The following ZCCHC7 variants were observed in gnomAD, a reference collection of about 807,000 sequenced individuals.
ZCCHC7 encodes the protein zinc finger CCHC domain-containing protein 7.
Under a neutral mutation model 52.0 loss-of-function variants are expected in ZCCHC7, and 35 were observed. That is an observed-to-expected ratio of 0.67 (90% CI 0.51 to 0.89). The LOEUF (loss-of-function observed/expected upper bound fraction) is 0.89. Among genes scored for constraint, ZCCHC7 ranks in the 40% least tolerant of loss-of-function variants. The pLI, the probability that ZCCHC7 is intolerant of heterozygous loss-of-function variation, is 0.00. For synonymous variants in ZCCHC7, 217 were observed against 221.5 expected (o/e 0.98, Z 0.18); for missense variants, 574 against 649.1 (o/e 0.88, Z 1.26).
intron 2 of ZCCHC7, among the ~76,000 whole-genome samples, chr9:37,233,969 G>T (rs546943998): frequency 2.0e-5 from 3 of 152,090 alleles, no homozygotes; most frequent in Admixed American, 2.0e-4. Flanking sequence ...TTCTCCTGCC[G>T]CAGCCTCCTG....
chr9:37,120,552 T>A, upstream of ZCCHC7: 1 of 399,276 alleles, frequency 2.5e-6, no homozygotes, highest in Non-Finnish European at 4.4e-6. Flanking sequence ...CTTACCTCAT[T>A]TGTCCTCGCC....
At chr9:37,260,220 C>G (rs1826799436) in intron 2 of ZCCHC7, among the ~76,000 whole-genome samples, 1 of 152,200 alleles carries the variant, frequency 6.6e-6, no homozygotes, top group South Asian at 2.1e-4. Context: ...CTTTGGCTTT[C>G]CACTGTATAT....
intron 1 of ZCCHC7, 81 bp from the exon 2 acceptor site, chr9:37,126,231 A>G (rs1307679168): frequency 7.6e-7 from 1 of 1,307,654 alleles, no homozygotes; most frequent in African/African-American, 1.5e-5. Context: ...AGCAGTTGTC[A>G]CTGACAGGTG....
In ZCCHC7 at chr9:37,304,281, G is replaced by A. The variant is rs746202450; in HGVS notation, c.748G>A (p.Gly250Ser). The A allele has an allele frequency of 6.2e-7, 1 of 1,613,700 alleles. No individual in the cohort carries two copies. Among genetic ancestry groups the A allele is most frequent in the Non-Finnish European group, 8.5e-7 (1 of 1,179,838 alleles). ...NIICRNCDKR[G>S]HLSKNCPLPR... is the part of the protein sequence containing the mutation. ...TATCTGTAGAAATTGTGACAAACGT[G>A]GTCATTTATCAAAAAACTGCCCCTT... The change falls in exon 4 of 9, where the codon GGT becomes AGT. Residue 250 changes from glycine to serine, a missense_variant. By Grantham distance (56) the Gly-to-Ser change is moderately conservative. Coordinates refer to ENST00000336755, the MANE Select transcript of ZCCHC7 (RefSeq NM_032226.3).
At chr9:37,295,465 G>GTT (rs990908020) in intron 2 of ZCCHC7, among the ~76,000 whole-genome samples, 3 of 152,202 alleles carry the variant, frequency 2.0e-5, no homozygotes, top group Non-Finnish European at 4.4e-5. Context: ...AATTACTTAA[G>GTT]TAGCAGTGGA....
chr9:37,254,273 A>G (rs992420873), intron 2 of ZCCHC7, among the ~76,000 whole-genome samples: 2 of 152,090 alleles, frequency 1.3e-5, no homozygotes, highest in African/African-American at 4.8e-5. Context: ...CTTGCTGAAT[A>G]AATGTAGTTT....
chr9:37,331,875 G>GC (rs1830462746), intron 6 of ZCCHC7, among the ~76,000 whole-genome samples: 1 of 151,416 alleles, frequency 6.6e-6, no homozygotes, highest in Non-Finnish European at 1.5e-5. Context: ...GTGCGCTTTG[G>GC]TGTGTTTAAG....
chr9:37,215,598 C>G (rs1329139153), intron 2 of ZCCHC7, among the ~76,000 whole-genome samples: 1 of 152,148 alleles, frequency 6.6e-6, no homozygotes, highest in Non-Finnish European at 1.5e-5. Context: ...CTGCTTTATT[C>G]AAAAAGGAGC....
Position 37,199,400 on chromosome 9 carries a change from C to T in ZCCHC7, c.610+72458C>T, listed in dbSNP as rs112857809. On this transcript the variant is annotated intron_variant, in intron 2 of 8. Coordinates refer to ENST00000336755, the MANE Select transcript of ZCCHC7 (RefSeq NM_032226.3). Reference sequence around the variant, plus strand: ...AGGCTGGAGTGCAATGGTGCGATCTCAGCTCGCTGCAACCTCCACCTCCTG... The same window carrying T: ...AGGCTGGAGTGCAATGGTGCGATCTTAGCTCGCTGCAACCTCCACCTCCTG... Among the ~76,000 whole-genome samples the T allele has an allele frequency of 6.1e-5, 9 of 146,996 alleles. 1 individual carries two copies. Among genetic ancestry groups the T allele is most frequent in the African/African-American group, 2.0e-4 (8 of 39,938 alleles).
intron 2 of ZCCHC7, among the ~76,000 whole-genome samples, chr9:37,168,613 C>G (rs1821556742): frequency 6.6e-6 from 1 of 152,030 alleles, no homozygotes. Context: ...AACAAAGTAC[C>G]CAGGCCAGGC....
chr9:37,304,526 G>A (rs547728915), intron 4 of ZCCHC7, among the ~76,000 whole-genome samples: 9 of 152,106 alleles, frequency 5.9e-5, no homozygotes, highest in Non-Finnish European at 8.8e-5. Flanking sequence ...GCGTGATGGC[G>A]GGCGCCTGTA....
At chr9:37,241,508 A>G (rs534684900) in intron 2 of ZCCHC7, among the ~76,000 whole-genome samples, 10 of 151,940 alleles carry the variant, frequency 6.6e-5, no homozygotes, top group Admixed American at 1.3e-4. Flanking sequence ...AAAATCTCCA[A>G]TTTCCTATTC....
At chr9:37,216,564 C>T (rs536298687) in intron 2 of ZCCHC7, among the ~76,000 whole-genome samples, 58 of 152,264 alleles carry the variant, frequency 3.8e-4, no homozygotes, top group African/African-American at 1.3e-3. Flanking sequence ...TTCCCAGCTA[C>T]TTGGGAGGCT....
chr9:37,152,243 T>G (rs894198006), intron 2 of ZCCHC7, among the ~76,000 whole-genome samples: 11 of 100 alleles, frequency 0.11, no homozygotes, highest in African/African-American at 0.14. Flanking sequence ...TGTTTTTTGT[T>G]TTTTTTTTTA....
At chr9:37,307,914 A>G (rs529853972) in intron 5 of ZCCHC7, among the ~76,000 whole-genome samples, 2 of 152,342 alleles carry the variant, frequency 1.3e-5, no homozygotes, top group East Asian at 3.9e-4. Context: ...TGTGAAATTA[A>G]AAGACGTACA....
chr9:37,233,593 T>G (rs1825506505), intron 2 of ZCCHC7, among the ~76,000 whole-genome samples: 1 of 152,218 alleles, frequency 6.6e-6, no homozygotes, highest in African/African-American at 2.4e-5. Flanking sequence ...CATAAATCTT[T>G]CCTCACCTTG....
At chr9:37,226,080 A>G (rs1009750955) in intron 2 of ZCCHC7, among the ~76,000 whole-genome samples, 4 of 152,250 alleles carry the variant, frequency 2.6e-5, no homozygotes, top group African/African-American at 9.6e-5. Flanking sequence ...ACTGGCACTA[A>G]TAAGTTTAGC....
intron 2 of ZCCHC7, chr9:37,186,841 C>T (rs942009342): frequency 5.3e-6 from 2 of 379,472 alleles, no homozygotes; most frequent in Non-Finnish European, 1.0e-5. Flanking sequence ...TTCTGTGTAT[C>T]TGAATTTGCA....
intron 6 of ZCCHC7, among the ~76,000 whole-genome samples, chr9:37,332,806 A>G: frequency 6.6e-6 from 1 of 151,622 alleles, no homozygotes; most frequent in East Asian, 1.9e-4. Flanking sequence ...CTGTAAAGGA[A>G]AGGGGGAAAA....
Sources: allele counts gnomAD v4.1 joint callset (sites outside exome capture counted in the v4.1 genomes callset), GRCh38; gene constraint gnomAD v4.1.1; transcripts MANE v1.5; gene names NCBI Gene and HGNC (gene_info 2026-07-23, HGNC 2026-07-21).